Variants in RGS6 observed in about 807,000 individuals in gnomAD.
The protein encoded by RGS6 is regulator of G-protein signaling 6.
Under a neutral mutation model 78.5 loss-of-function variants are expected in RGS6, and 30 were observed. The observed-to-expected ratio is 0.38, with a 90% CI of 0.29 to 0.52. The LOEUF is 0.52. Among genes scored for constraint, RGS6 ranks in the 20% least tolerant of loss-of-function variants. RGS6 has a pLI of 0.85. For missense variants in RGS6, 495 were observed against 609.7 expected (o/e 0.81, Z 1.98); for synonymous variants, 206 against 206.0 (o/e 1.00, Z 0.00).
the RGS6 span, among the ~76,000 whole-genome samples, chr14:72,578,603 G>A: frequency 6.6e-6 from 1 of 152,228 alleles, no homozygotes; most frequent in African/African-American, 2.4e-5. Context: ...CACCGATGAT[G>A]TGTCAGGCAC....
intron 2 of RGS6, among the ~76,000 whole-genome samples, chr14:72,237,538 A>G (rs146434438): frequency 1.3e-5 from 2 of 152,254 alleles, no homozygotes; most frequent in African/African-American, 4.8e-5. Flanking sequence ...GGCAGAGGCA[A>G]TCCACACAAT....
chr14:71,949,780 A>ATTTT (rs3053024), intron 1 of RGS6, among the ~76,000 whole-genome samples: 17,183 of 128,438 alleles, frequency 0.13, 1,290 homozygotes, highest in East Asian at 0.2. Context: ...TAGAAGCTCT[A>ATTTT]TTTTTTTTTT....
chr14:72,612,993 C>T, the RGS6 span, among the ~76,000 whole-genome samples: 40 of 148,954 alleles, frequency 2.7e-4, no homozygotes, highest in Non-Finnish European at 3.1e-4. Context: ...TTAAGTAGGG[C>T]GTGTGTGTGT....
intron 2 of RGS6, among the ~76,000 whole-genome samples, chr14:72,178,836 G>T (rs1260309449): frequency 6.6e-6 from 1 of 152,158 alleles, no homozygotes; most frequent in African/African-American, 2.4e-5. Context: ...TCTATAAATA[G>T]TTCAAACTTT....
At chr14:72,380,676 T>C (rs2085841516) in intron 3 of RGS6, among the ~76,000 whole-genome samples, 1 of 151,972 alleles carries the variant, frequency 6.6e-6, no homozygotes, top group Non-Finnish European at 1.5e-5. Flanking sequence ...AAATAACAAA[T>C]GCTGGCAAGA....
At chr14:72,060,833 A>C (rs573930770) in intron 2 of RGS6, among the ~76,000 whole-genome samples, 10 of 152,164 alleles carry the variant, frequency 6.6e-5, no homozygotes, top group Admixed American at 5.2e-4. Context: ...TTTACTTTTA[A>C]TTTTTTTAGC....
At chr14:72,588,628 G>T in the RGS6 span, among the ~76,000 whole-genome samples, 1 of 152,150 alleles carries the variant, frequency 6.6e-6, no homozygotes, top group East Asian at 1.9e-4. Flanking sequence ...TTTTGTTGAG[G>T]TTGCTATCAA....
the RGS6 span, among the ~76,000 whole-genome samples, chr14:71,883,469 G>A: frequency 6.6e-6 from 1 of 152,164 alleles, no homozygotes; most frequent in South Asian, 2.1e-4. Context: ...CAAATTACCT[G>A]TCCTTAGACA....
chr14:72,132,335 G>A (rs1461369096), intron 2 of RGS6, among the ~76,000 whole-genome samples: 2 of 150,600 alleles, frequency 1.3e-5, no homozygotes, highest in Non-Finnish European at 1.5e-5. Flanking sequence ...GGAGCGCAGT[G>A]ACATGATCTC....
intron 2 of RGS6, among the ~76,000 whole-genome samples, chr14:72,220,418 T>A (rs1300422306): frequency 6.6e-6 from 1 of 152,206 alleles, no homozygotes; most frequent in African/African-American, 2.4e-5. Context: ...CTAAGAGTAG[T>A]AATTGGTGCT....
At chr14:72,104,544 C>T (rs1301796117) in intron 2 of RGS6, among the ~76,000 whole-genome samples, 1 of 152,142 alleles carries the variant, frequency 6.6e-6, no homozygotes, top group Non-Finnish European at 1.5e-5. Context: ...ATTAACCTAA[C>T]ATGACAGATG....
chr14:72,495,962 T>A (rs2096639000), intron 13 of RGS6, among the ~76,000 whole-genome samples: 1 of 152,198 alleles, frequency 6.6e-6, no homozygotes, highest in African/African-American at 2.4e-5. Flanking sequence ...TAGTGTGGTG[T>A]GCCTTCACAC....
intron 3 of RGS6, among the ~76,000 whole-genome samples, chr14:72,389,812 C>T (rs1228688108): frequency 1.3e-5 from 2 of 152,186 alleles, no homozygotes; most frequent in African/African-American, 2.4e-5. Flanking sequence ...AGTTTGAATG[C>T]TTTGTGTAAA....
At chr14:72,343,958 A>G (rs774260914) in intron 2 of RGS6, among the ~76,000 whole-genome samples, 10 of 152,180 alleles carry the variant, frequency 6.6e-5, no homozygotes, top group Non-Finnish European at 1.3e-4. Flanking sequence ...CCTCATCCGC[A>G]CTGTTGCTGG....
intron 2 of RGS6, among the ~76,000 whole-genome samples, chr14:72,252,488 A>G (rs1288079940): frequency 6.6e-6 from 1 of 152,198 alleles, no homozygotes; most frequent in Non-Finnish European, 1.5e-5. Flanking sequence ...AGGTGTCTGT[A>G]ATCCTAGAAA....
the RGS6 span, among the ~76,000 whole-genome samples, chr14:72,586,844 G>T: frequency 1.3e-5 from 2 of 152,176 alleles, no homozygotes; most frequent in African/African-American, 2.4e-5. Context: ...GCAGGGCCTG[G>T]TGCATAATAG....
chr14:72,533,321 AAAT>A (rs1356034362), intron 15 of RGS6, among the ~76,000 whole-genome samples: 5 of 152,232 alleles, frequency 3.3e-5, no homozygotes, highest in African/African-American at 9.6e-5. Context: ...TTGAGGAAAA[AAAT>A]AATATTTCTT....
intron 2 of RGS6, among the ~76,000 whole-genome samples, chr14:72,251,454 G>A (rs2055753322): frequency 6.6e-6 from 1 of 152,176 alleles, no homozygotes; most frequent in Non-Finnish European, 1.5e-5. Flanking sequence ...AAAACAGAAA[G>A]TTAGCAAGTC....
chr14:72,260,821 G>A (rs902960752), intron 2 of RGS6, among the ~76,000 whole-genome samples: 2 of 152,188 alleles, frequency 1.3e-5, no homozygotes, highest in Non-Finnish European at 2.9e-5. Context: ...AGTTGCTAGA[G>A]CAGCCTGTGA....
Sources: allele counts gnomAD v4.1 joint callset (sites outside exome capture counted in the v4.1 genomes callset), GRCh38; gene constraint gnomAD v4.1.1; transcripts MANE v1.5; gene names NCBI Gene and HGNC (gene_info 2026-07-23, HGNC 2026-07-21).